SLX4IP: variants seen among roughly 807,000 people sequenced by gnomAD.
SLX4IP encodes protein SLX4IP.
A neutral mutation model predicts 32.9 loss-of-function variants in SLX4IP; 34 were observed. That is an observed-to-expected ratio of 1.03 (90% CI 0.79 to 1.38). SLX4IP has a LOEUF of 1.38. Among genes scored for constraint, SLX4IP ranks in the 40% most tolerant of loss-of-function variants. The pLI is 0.00. For missense variants in SLX4IP, 444 were observed against 479.0 expected (o/e 0.93, Z 0.68); for synonymous variants, 172 against 171.7 (o/e 1.00, Z -0.01).
At chr20:10,567,034 C>T (rs758384239) in intron 4 of SLX4IP, among the ~76,000 whole-genome samples, 25 of 152,168 alleles carry the variant, frequency 1.6e-4, no homozygotes, top group Admixed American at 3.9e-4. Flanking sequence ...AGATTAATTG[C>T]TATTGCTGGC....
intron 1 of SLX4IP, among the ~76,000 whole-genome samples, chr20:10,457,722 G>A (rs1031433200): frequency 6.6e-6 from 1 of 152,028 alleles, no homozygotes; most frequent in Non-Finnish European, 1.5e-5. Flanking sequence ...AGAATTATTT[G>A]AGAAATTTTT....
chr20:10,455,320 C>T (rs2065275719), intron 1 of SLX4IP, among the ~76,000 whole-genome samples: 1 of 151,916 alleles, frequency 6.6e-6, no homozygotes, highest in African/African-American at 2.4e-5. Context: ...AAAATTTATG[C>T]CTTTGTTTTT....
chr20:10,489,377 C>G (rs2065601239), intron 2 of SLX4IP, among the ~76,000 whole-genome samples: 1 of 152,180 alleles, frequency 6.6e-6, no homozygotes. Flanking sequence ...CCACAAGATA[C>G]ATTTTAAATA....
At chr20:10,575,607 A>C (rs1278941236) in intron 4 of SLX4IP, among the ~76,000 whole-genome samples, 1 of 151,224 alleles carries the variant, frequency 6.6e-6, no homozygotes, top group Non-Finnish European at 1.5e-5. Context: ...TTTAATATGT[A>C]GGATGACAAG....
intron 2 of SLX4IP, among the ~76,000 whole-genome samples, chr20:10,527,045 T>C (rs144997132): frequency 6.6e-6 from 1 of 152,348 alleles, no homozygotes; most frequent in Non-Finnish European, 1.5e-5. Flanking sequence ...GAGATATGTG[T>C]TGTATGTTGA....
At chr20:10,496,829 T>C (rs2065672355) in intron 2 of SLX4IP, among the ~76,000 whole-genome samples, 1 of 152,154 alleles carries the variant, frequency 6.6e-6, no homozygotes, top group African/African-American at 2.4e-5. Context: ...GGGCTTGGGG[T>C]CATATCATCT....
In SLX4IP at chr20:10,570,915, A is replaced by C. The variant is rs189280308; in HGVS notation, c.238+10095A>C. Among the ~76,000 whole-genome samples, 144 of 152,118 alleles carry C rather than the reference A, an allele frequency of 9.5e-4. 1 individual carries two copies. In the East Asian group the frequency reaches 0.023, roughly 24 times the overall value. ...AACAGTCGTGGCTCATGGCAGCCTC[A>C]ACCACCTGGGTTCAAGTGATTCTCC... On this transcript the variant is annotated intron_variant, in intron 4 of 7. Coordinates refer to ENST00000334534, the MANE Select transcript of SLX4IP (RefSeq NM_001009608.3).
intron 2 of SLX4IP, among the ~76,000 whole-genome samples, chr20:10,498,684 CTTT>C (rs34070774): frequency 2.8e-5 from 4 of 141,208 alleles, no homozygotes; most frequent in Admixed American, 7.0e-5. Context: ...CTTTTCTTTT[CTTT>C]TTTTTTTTTT....
chr20:10,592,983 A>G (rs1020166446), intron 4 of SLX4IP, among the ~76,000 whole-genome samples: 1 of 152,072 alleles, frequency 6.6e-6, no homozygotes, highest in Non-Finnish European at 1.5e-5. Context: ...AATACCCAAG[A>G]TACTGTCAGT....
At chr20:10,504,031 A>G (rs2065739413) in intron 2 of SLX4IP, among the ~76,000 whole-genome samples, 1 of 152,200 alleles carries the variant, frequency 6.6e-6, no homozygotes, top group South Asian at 2.1e-4. Context: ...GGATCTTATG[A>G]TATCCAGTTC....
intron 3 of SLX4IP, among the ~76,000 whole-genome samples, chr20:10,556,613 G>A (rs1424606381): frequency 2.0e-5 from 3 of 152,164 alleles, no homozygotes; most frequent in Non-Finnish European, 4.4e-5. Context: ...AGAAGAAGAA[G>A]AAGTTAAAGT....
chr20:10,525,538 C>G (rs1260239084), intron 2 of SLX4IP, among the ~76,000 whole-genome samples: 2 of 152,172 alleles, frequency 1.3e-5, no homozygotes, highest in Admixed American at 6.5e-5. Flanking sequence ...AATACATTTT[C>G]TCATTGTTAT....
chr20:10,531,487 C>T (rs6040012), intron 2 of SLX4IP, among the ~76,000 whole-genome samples: 1 of 152,116 alleles, frequency 6.6e-6, no homozygotes. Context: ...AAAATTGTAC[C>T]TGTTCAATAA....
chr20:10,564,733 C>T (rs1163954015), intron 4 of SLX4IP, among the ~76,000 whole-genome samples: 1 of 152,076 alleles, frequency 6.6e-6, no homozygotes, highest in Non-Finnish European at 1.5e-5. Context: ...CAGACATTGC[C>T]AATAGCCTCA....
At position 10,522,115 on chromosome 20, in the gene SLX4IP, A is replaced by C. The variant is rs142909720; in HGVS notation, c.28-34116A>C. Among the ~76,000 whole-genome samples the C allele has an allele frequency of 7.1e-4, 108 of 152,288 alleles. No homozygotes were observed. The East Asian group carries it at 0.016, about 23-fold the overall frequency. On this transcript the variant is annotated intron_variant, in intron 2 of 7. Coordinates refer to ENST00000334534, the MANE Select transcript of SLX4IP (RefSeq NM_001009608.3). Reference sequence around the variant, plus strand: ...CTTCAAGAGATTTGAAGAGATTTGCATGTGTTGTGACATGCAAGCATTAGA... The same window carrying C: ...CTTCAAGAGATTTGAAGAGATTTGCCTGTGTTGTGACATGCAAGCATTAGA...
At chr20:10,492,166 A>C (rs2065628667) in intron 2 of SLX4IP, among the ~76,000 whole-genome samples, 1 of 152,142 alleles carries the variant, frequency 6.6e-6, no homozygotes, top group Non-Finnish European at 1.5e-5. Flanking sequence ...TATTCCCAAC[A>C]GTTTGTGATG....
intron 2 of SLX4IP, among the ~76,000 whole-genome samples, chr20:10,474,539 A>C (rs1407357993): frequency 6.6e-6 from 1 of 151,938 alleles, no homozygotes; most frequent in Non-Finnish European, 1.5e-5. Flanking sequence ...CTCCATTTAC[A>C]TCTCTGTGGA....
intron 2 of SLX4IP, among the ~76,000 whole-genome samples, chr20:10,512,638 G>T (rs2065816823): frequency 7.1e-6 from 1 of 140,576 alleles, no homozygotes; most frequent in Non-Finnish European, 1.5e-5. Flanking sequence ...ATTATATATA[G>T]TATATATAGT....
intron 2 of SLX4IP, among the ~76,000 whole-genome samples, chr20:10,486,043 TC>T (rs2065570556): frequency 6.6e-6 from 1 of 152,000 alleles, no homozygotes; most frequent in Non-Finnish European, 1.5e-5. Flanking sequence ...ATTGGAAAAA[TC>T]TAGGTACAAA....
Sources: allele counts gnomAD v4.1 joint callset (sites outside exome capture counted in the v4.1 genomes callset), GRCh38; gene constraint gnomAD v4.1.1; transcripts MANE v1.5; gene names NCBI Gene and HGNC (gene_info 2026-07-23, HGNC 2026-07-21).